The following NECTIN3 variants were observed in gnomAD, a reference collection of about 807,000 sequenced individuals.
NECTIN3 encodes the protein nectin-3.
In NECTIN3, 8 loss-of-function variants were observed where a neutral mutation model predicts 49.4. The observed-to-expected ratio is 0.16, with a 90% confidence interval of 0.10 to 0.29. NECTIN3 has a LOEUF of 0.29. Among genes scored for constraint, NECTIN3 ranks in the 10% least tolerant of loss-of-function variants. NECTIN3 has a pLI of 1.00. For synonymous variants in NECTIN3, 277 were observed against 241.1 expected, an observed-to-expected ratio of 1.15 and a Z score of -1.38; for missense variants, 581 against 654.6, an observed-to-expected ratio of 0.89 and a Z score of 1.23.
intron 1 of NECTIN3, among the ~76,000 whole-genome samples, chr3:111,084,428 T>G (rs2031808966): frequency 6.6e-6 from 1 of 152,204 alleles, no homozygotes; most frequent in Non-Finnish European, 1.5e-5. Flanking sequence ...TGTTAGTATT[T>G]AATTGAGCAC....
rs142609488 is a variant in NECTIN3, at chr3:111,072,890, C to A, written c.160+713C>A. 2.7e-3 allele frequency: 647 copies of A among 239,262 alleles called. 5 individuals carry two copies. The highest frequency in any genetic ancestry group is 0.014 in the African/African-American group (582 of 42,932). 14.8% of individuals were successfully genotyped at this position (239,262 alleles called of 1,614,324 possible). Reference sequence around the variant, plus strand: ...GACTGTGTGCCCCGGCTGTTCTAACCAAAACAGTCACGCGCCTGTTTCCCA... The same window carrying A: ...GACTGTGTGCCCCGGCTGTTCTAACAAAAACAGTCACGCGCCTGTTTCCCA... On this transcript the variant is annotated intron_variant, in intron 1 of 5. Transcript: ENST00000485303.
At chr3:111,112,456 T>C in intron 2 of NECTIN3, 85 bp downstream of exon 2, 1 of 871,512 alleles carries the variant, frequency 1.1e-6, no homozygotes, top group Non-Finnish European at 1.7e-6. Flanking sequence ...TGGTTGAAAT[T>C]TGATTTAACT....
intron 2 of NECTIN3, among the ~76,000 whole-genome samples, chr3:111,114,919 A>C (rs2033626547): frequency 6.6e-6 from 1 of 152,116 alleles, no homozygotes; most frequent in Non-Finnish European, 1.5e-5. Context: ...GGCAGGACTT[A>C]AGTATGCACG....
intron 5 of NECTIN3, among the ~76,000 whole-genome samples, chr3:111,128,685 C>T (rs1023817105): frequency 6.6e-6 from 1 of 152,114 alleles, no homozygotes; most frequent in Non-Finnish European, 1.5e-5. Context: ...CTCTCACACC[C>T]TAGTTAATTC....
At chr3:111,140,489 A>T (rs751357525), downstream of NECTIN3, among the ~76,000 whole-genome samples, 1 of 146,118 alleles carries the variant, frequency 6.8e-6, no homozygotes, top group Non-Finnish European at 1.5e-5. Flanking sequence ...TACCAGTATT[A>T]TTAGTCTTAT....
Position 111,134,961 on chromosome 3 carries a change from CATG to C in NECTIN3, c.*749_*751del, listed in dbSNP as rs1261590489. 1.0e-6 allele frequency: 1 copy of C among 979,330 alleles called. No homozygotes were observed. Among genetic ancestry groups the C allele is most frequent in the African/African-American group, 1.8e-5 (1 of 56,232 alleles). The allele number at this position is 979,330 out of a possible 1,614,324, so 60.7% of individuals were successfully genotyped here. ...AGTAATAAAATACATACCTTTCAAA[CATG>C]ATAATTATTAGTTTTTTTTTTTCCT... is the stretch of plus-strand genomic sequence containing the variant. On this transcript the variant is annotated 3_prime_UTR_variant, in exon 6 of 6. Transcript: ENST00000485303.
chr3:111,173,805 CTT>C (rs35136391), intron 7 of NECTIN3, among the ~76,000 whole-genome samples: 3 of 151,248 alleles, frequency 2.0e-5, no homozygotes, highest in African/African-American at 7.3e-5. Flanking sequence ...TATTCCTTCT[CTT>C]TTTTTTTGTA....
intron 1 of NECTIN3, among the ~76,000 whole-genome samples, chr3:111,093,464 G>A (rs1302047119): frequency 6.2e-5 from 8 of 128,666 alleles, no homozygotes; most frequent in African/African-American, 2.2e-4. Context: ...CGCTCTTGTT[G>A]CCCAATGTTG....
chr3:111,084,849 A>G (rs1055778377), intron 1 of NECTIN3, among the ~76,000 whole-genome samples: 4 of 152,162 alleles, frequency 2.6e-5, no homozygotes, highest in Admixed American at 1.3e-4. Flanking sequence ...GCATACCTGG[A>G]AGGGTGGGCT....
downstream of NECTIN3, among the ~76,000 whole-genome samples, chr3:111,139,264 T>C (rs2034680583): frequency 6.6e-6 from 1 of 151,744 alleles, no homozygotes. Flanking sequence ...TTGTATGTAT[T>C]TTGCAGTTTT....
At chr3:111,084,714 G>T (rs1402222896) in intron 1 of NECTIN3, among the ~76,000 whole-genome samples, 2 of 152,160 alleles carry the variant, frequency 1.3e-5, no homozygotes, top group Non-Finnish European at 2.9e-5. Flanking sequence ...TAATTAAATG[G>T]TAAAATAATA....
upstream of NECTIN3, among the ~76,000 whole-genome samples, chr3:111,188,621 T>C (rs1559823977): frequency 6.6e-6 from 1 of 152,222 alleles, no homozygotes; most frequent in South Asian, 2.1e-4. Context: ...AAGCTATGGC[T>C]CTTTAAAATC....
chr3:111,072,681 T>TC, intron 1 of NECTIN3: 1 of 1,119,686 alleles, frequency 8.9e-7, no homozygotes, highest in South Asian at 1.4e-5. Context: ...AGCCGCAGAA[T>TC]CCCCTACAGC....
intron 7 of NECTIN3, among the ~76,000 whole-genome samples, chr3:111,171,424 A>G (rs1300866610): frequency 1.3e-5 from 2 of 152,198 alleles, no homozygotes; most frequent in African/African-American, 4.8e-5. Context: ...ACTTGCACTA[A>G]CATTTTAGGT....
upstream of NECTIN3, among the ~76,000 whole-genome samples, chr3:111,187,558 A>ATT (rs1417800733): frequency 1.2e-4 from 19 of 152,364 alleles, no homozygotes; most frequent in Admixed American, 1.2e-3. Context: ...ACTTGGAAGT[A>ATT]ACCAATATGC....
chr3:111,177,018 T>A (rs1310520232), intron 7 of NECTIN3, among the ~76,000 whole-genome samples: 3 of 152,162 alleles, frequency 2.0e-5, no homozygotes, highest in Non-Finnish European at 4.4e-5. Flanking sequence ...TCTGTTTTAA[T>A]TTTTACTCTT....
chr3:111,072,449 GCGCCGAA>G (rs1559759192), intron 1 of NECTIN3: 1 of 1,535,074 alleles, frequency 6.5e-7, no homozygotes, highest in East Asian at 2.5e-5. Flanking sequence ...GGTGCTTCGT[GCGCCGAA>G]CTCCGGGTTT....
chr3:111,145,498 C>T (rs957085265), intron 6 of NECTIN3, among the ~76,000 whole-genome samples: 5 of 152,152 alleles, frequency 3.3e-5, no homozygotes, highest in East Asian at 1.9e-4. Context: ...GAAAAATACT[C>T]TTTTTGGTGA....
chr3:111,101,795 A>G (rs1488839398), intron 1 of NECTIN3, among the ~76,000 whole-genome samples: 1 of 152,178 alleles, frequency 6.6e-6, no homozygotes, highest in Non-Finnish European at 1.5e-5. Flanking sequence ...GCAATGTGCC[A>G]GAGAATAATT....
Sources: gnomAD v4.1 joint callset for allele counts (sites outside exome capture counted in the v4.1 genomes callset) on GRCh38, gnomAD v4.1.1 for gene constraint, MANE v1.5 for transcripts, NCBI Gene and HGNC (gene_info 2026-07-23, HGNC 2026-07-21) for gene names.